NXPE2: variants seen among roughly 807,000 people sequenced by gnomAD.
NXPE2 encodes the protein neurexophilin and PC-esterase domain family member 2.
NXPE2 carries 34 observed loss-of-function variants against 34.4 expected under a neutral mutation model. The ratio of observed to expected loss-of-function variants is 0.99; its 90% CI spans 0.75 to 1.31. The LOEUF (loss-of-function observed/expected upper bound fraction) is 1.31, where lower values mean the gene tolerates loss of function less well. Ranked by LOEUF, NXPE2 falls within the 40% of genes most tolerant of loss-of-function variation. The probability of loss-of-function intolerance (pLI) is 0.00; values close to 1 mark genes in which losing one functional copy is unlikely to be tolerated. For missense variants in NXPE2, 649 were observed against 672.5 expected (o/e 0.97, Z 0.39); for synonymous variants, 235 against 231.3 (o/e 1.02, Z -0.15).
At chr11:114,734,506 C>T in the NXPE2 span, among the ~76,000 whole-genome samples, 1 of 152,110 alleles carries the variant, frequency 6.6e-6, no homozygotes, top group African/African-American at 2.4e-5. Flanking sequence ...TGCTGTTGGT[C>T]ATGGTTCAGA....
chr11:114,490,669 A>T, the NXPE2 span, among the ~76,000 whole-genome samples: 1 of 152,234 alleles, frequency 6.6e-6, no homozygotes, highest in Non-Finnish European at 1.5e-5. Flanking sequence ...CTGAAACTGG[A>T]TGCCTTCCTT....
chr11:114,803,587 T>TA, the NXPE2 span, among the ~76,000 whole-genome samples: 1 of 151,738 alleles, frequency 6.6e-6, no homozygotes, highest in East Asian at 2.0e-4. Context: ...TCTCTCTCTT[T>TA]TTTTTTTTGA....
In NXPE2 at chr11:114,678,559, T is replaced by C; in HGVS notation, c.-17T>C. The C allele has an allele frequency of 1.3e-6, 2 of 1,544,094 alleles. No homozygotes were observed. The highest frequency in any genetic ancestry group is 1.8e-6 in the Non-Finnish European group (2 of 1,140,240). ...GAGAGTCTCTGGACACTATAATTCC[T>C]GTGAGAACACGAGAAGATGGTGGAG... On this transcript the variant is annotated 5_prime_UTR_variant, in exon 1 of 6. Coordinates refer to ENST00000389586, the MANE Select transcript of NXPE2 (RefSeq NM_182495.6).
At chr11:114,638,434 TTTGA>T in the NXPE2 span, among the ~76,000 whole-genome samples, 6 of 152,030 alleles carry the variant, frequency 3.9e-5, no homozygotes, top group Admixed American at 2.0e-4. Flanking sequence ...CTCAGAGTAG[TTTGA>T]TTGTCTGAAG....
the NXPE2 span, among the ~76,000 whole-genome samples, chr11:114,496,001 T>C: frequency 3.5e-3 from 534 of 152,224 alleles, 1 homozygote; most frequent in Non-Finnish European, 6.0e-3. Flanking sequence ...ACAAGCACTC[T>C]CCTGGCCATA....
the NXPE2 span, among the ~76,000 whole-genome samples, chr11:114,492,675 A>G: frequency 6.6e-6 from 1 of 151,958 alleles, no homozygotes; most frequent in Admixed American, 6.6e-5. Flanking sequence ...AGTAGCTGGG[A>G]CTACAGGCAC....
the NXPE2 span, chr11:114,583,147 A>G: frequency 9.4e-7 from 1 of 1,062,342 alleles, no homozygotes; most frequent in Non-Finnish European, 1.4e-6. Flanking sequence ...TGTGATTTTG[A>G]ATATTGATTT....
the NXPE2 span, among the ~76,000 whole-genome samples, chr11:114,746,681 C>G: frequency 2.0e-4 from 31 of 152,186 alleles, no homozygotes; most frequent in African/African-American, 7.2e-4. Flanking sequence ...GAAACCCTGT[C>G]TCTACTAAAA....
chr11:114,707,196 A>T (rs992233899), downstream of NXPE2, among the ~76,000 whole-genome samples: 1 of 152,036 alleles, frequency 6.6e-6, no homozygotes, highest in African/African-American at 2.4e-5. Flanking sequence ...GGTTCAAGTG[A>T]TTCTCCTGCC....
the NXPE2 span, among the ~76,000 whole-genome samples, chr11:114,742,824 C>T: frequency 6.6e-6 from 1 of 152,080 alleles, no homozygotes; most frequent in Admixed American, 6.5e-5. Context: ...TGGTCCCAAG[C>T]ATAGCTCTGG....
the NXPE2 span, among the ~76,000 whole-genome samples, chr11:114,662,496 C>T: frequency 6.6e-6 from 1 of 152,180 alleles, no homozygotes; most frequent in African/African-American, 2.4e-5. Flanking sequence ...AGATGAGCTG[C>T]TACTAGTGCT....
chr11:114,772,349 A>C, the NXPE2 span, among the ~76,000 whole-genome samples: 1 of 152,148 alleles, frequency 6.6e-6, no homozygotes, highest in Non-Finnish European at 1.5e-5. Flanking sequence ...AAAGCAAAAA[A>C]GGAAACTATC....
At chr11:114,554,463 C>T in the NXPE2 span, 1 of 776,118 alleles carries the variant, frequency 1.3e-6, no homozygotes, top group Admixed American at 6.3e-5. Flanking sequence ...AGTCCTATGA[C>T]CTCTTTTCCA....
chr11:114,722,061 C>A, the NXPE2 span, among the ~76,000 whole-genome samples: 3 of 152,316 alleles, frequency 2.0e-5, no homozygotes, highest in African/African-American at 4.8e-5. Flanking sequence ...GGAGTCTCAA[C>A]CTTTTCTTCA....
intron 2 of NXPE2, among the ~76,000 whole-genome samples, chr11:114,693,723 T>A (rs1951196492): frequency 6.6e-6 from 1 of 152,116 alleles, no homozygotes; most frequent in Admixed American, 6.5e-5. Context: ...TTTAAAACTA[T>A]TTAGAGAATG....
At chr11:114,602,275 AC>A in the NXPE2 span, among the ~76,000 whole-genome samples, 1 of 118,604 alleles carries the variant, frequency 8.4e-6, no homozygotes, top group Non-Finnish European at 1.6e-5. Context: ...TATATATTAT[AC>A]TATATATATG....
At chr11:114,681,369 T>G (rs1456227585) in intron 2 of NXPE2, among the ~76,000 whole-genome samples, 1 of 152,208 alleles carries the variant, frequency 6.6e-6, no homozygotes, top group Admixed American at 6.5e-5. Context: ...AATGAAAATG[T>G]GAATATGGTA....
At chr11:114,746,693 TACAA>T in the NXPE2 span, among the ~76,000 whole-genome samples, 2 of 151,974 alleles carry the variant, frequency 1.3e-5, no homozygotes, top group Non-Finnish European at 2.9e-5. Context: ...CTACTAAAAA[TACAA>T]ACAATTAGCT....
At chr11:114,804,984 T>C in the NXPE2 span, among the ~76,000 whole-genome samples, 1 of 152,170 alleles carries the variant, frequency 6.6e-6, no homozygotes, top group Non-Finnish European at 1.5e-5. Flanking sequence ...ATGTTTTCTC[T>C]TTAGAGTATA....
Sources: gnomAD v4.1 joint callset for allele counts (sites outside exome capture counted in the v4.1 genomes callset) on GRCh38, gnomAD v4.1.1 for gene constraint, MANE v1.5 for transcripts, NCBI Gene and HGNC (gene_info 2026-07-23, HGNC 2026-07-21) for gene names.